The following ADCY7 variants were observed in gnomAD, a reference collection of about 807,000 sequenced individuals.
The protein encoded by ADCY7 is adenylate cyclase 7.
Under a neutral mutation model 120.6 loss-of-function variants are expected in ADCY7, and 72 were observed. The ratio of observed to expected loss-of-function variants is 0.60; its 90% CI spans 0.49 to 0.73. ADCY7 has a LOEUF of 0.73. Ranked by LOEUF, ADCY7 falls within the 30% of genes least tolerant of loss-of-function variation. ADCY7 has a pLI of 0.00. For synonymous variants in ADCY7, 661 were observed against 628.0 expected (o/e 1.05, Z -0.78); for missense variants, 1,227 against 1,486.0 (o/e 0.83, Z 2.87).
In ADCY7 at chr16:50,297,401, G is replaced by A. The variant is rs1196999724; in HGVS notation, c.949-1503G>A. ...CCTACATCCCCGAGAGCTGGGCTGG[G>A]TCCATGGGCAGTCCTGTGCCTGGTC... is the stretch of plus-strand genomic sequence containing the variant. On this transcript the variant is annotated intron_variant, in intron 7 of 25. Coordinates refer to ENST00000673801, the MANE Select transcript of ADCY7 (RefSeq NM_001114.5). The surrounding 1 kb of genome is among the most constrained non-coding windows in gnomAD (Gnocchi z 4.4). Among the ~76,000 whole-genome samples, 2 of 152,212 alleles carry A rather than the reference G, an allele frequency of 1.3e-5. No homozygotes were observed. The highest frequency in any genetic ancestry group is 2.9e-5 in the Non-Finnish European group (2 of 68,038).
In ADCY7 at chr16:50,312,979, C is replaced by G. The variant is rs2036569854; in HGVS notation, c.2694C>G (p.Asn898Lys). Residue 898 changes from asparagine (N) to lysine (K), a missense_variant, in exon 22 of 26, where the codon AAC becomes AAG. Coordinates refer to ENST00000673801, the MANE Select transcript of ADCY7 (RefSeq NM_001114.5). ...FKVFYTECDVNKEGLECLRLL... is the reference protein window; with the variant it reads ...FKVFYTECDVKKEGLECLRLL... ...TGTTCTACACAGAGTGCGATGTCAA[C>G]AAAGAAGGGCTGGAGTGCCTACGCC... 2 of 1,614,230 alleles carry G rather than the reference C, an allele frequency of 1.2e-6. No individual in the cohort carries two copies. The highest frequency in any genetic ancestry group is 4.5e-5 in the East Asian group (2 of 44,890).
Position 50,287,079 on chromosome 16 carries a change from G to A in ADCY7, c.-268-833G>A, listed in dbSNP as rs77244427. 7.3e-5 allele frequency among the ~76,000 whole-genome samples: 11 copies of A among 151,196 alleles called. No individual in the cohort carries two copies. The East Asian group carries it at 1.6e-3, about 22-fold the overall frequency. ...TTGCCCAGGCTGGATGCAATGGCAC[G>A]ATCTCAGCTTACTGCAAAATTTGCC... On this transcript the variant is annotated intron_variant, in intron 1 of 25. Transcript: ENST00000673801.
Position 50,301,212 on chromosome 16 carries a change from C to G in ADCY7, c.1366C>G (p.Arg456Gly). 6.3e-7 allele frequency: 1 copy of G among 1,588,266 alleles called. No individual in the cohort carries two copies. The highest frequency in any genetic ancestry group is 8.6e-7 in the Non-Finnish European group (1 of 1,167,666). ...NIRTYLVIDP[R>G]SQQPPPPSQH... ...CCGCACCTACCTGGTCATCGACCCCCGGGTACGAGGGCTCAGAGGCCGCAG... is the reference window on the plus strand; with the variant it reads ...CCGCACCTACCTGGTCATCGACCCCGGGGTACGAGGGCTCAGAGGCCGCAG... The change falls in exon 10 of 26, where the codon CGG becomes GGG. Residue 456 changes from arginine (R) to glycine (G), a missense_variant and splice_region_variant. Physicochemically the swap from Arg to Gly is moderately radical, Grantham distance 125. Coordinates refer to ENST00000673801, the MANE Select transcript of ADCY7 (RefSeq NM_001114.5).
In ADCY7 at chr16:50,315,529, G is replaced by A. The variant is rs749618985; in HGVS notation, c.*24G>A. ...GAGGGCTCCTGCTGGATTCCGAAAA[G>A]GCCGGGAAGCCAGTCTCCTTCCCTG... On this transcript the variant is annotated 3_prime_UTR_variant, in exon 26 of 26. Transcript: ENST00000673801. 2 of 1,596,304 alleles carry A rather than the reference G, an allele frequency of 1.3e-6. No individual in the cohort carries two copies.
chr16:50,280,836 C>G (rs960453555), intron 1 of ADCY7, among the ~76,000 whole-genome samples: 1 of 152,194 alleles, frequency 6.6e-6, no homozygotes, highest in African/African-American at 2.4e-5. Flanking sequence ...AGGCACAGGT[C>G]AGGCAAGAGA....
chr16:50,301,300 C>T, intron 10 of ADCY7, 86 bp downstream of exon 10: 1 of 1,469,266 alleles, frequency 6.8e-7, no homozygotes, highest in Non-Finnish European at 9.1e-7. Flanking sequence ...TTGGAGGAAA[C>T]CCCCATGTGG....
chr16:50,259,379 A>G (rs1427472295), intron 1 of ADCY7, among the ~76,000 whole-genome samples: 1 of 152,222 alleles, frequency 6.6e-6, no homozygotes, highest in Non-Finnish European at 1.5e-5. Flanking sequence ...GGCCGGGTGC[A>G]GGGAAGGACA....
chr16:50,272,255 C>A (rs1031961257), intron 1 of ADCY7, among the ~76,000 whole-genome samples: 1 of 152,014 alleles, frequency 6.6e-6, no homozygotes, highest in African/African-American at 2.4e-5. Flanking sequence ...CCTTCTAGGG[C>A]CCGGATCCCT....
At chr16:50,305,110 G>A (rs575716346) in intron 12 of ADCY7, 151 bp downstream of exon 12, 2 of 1,007,450 alleles carry the variant, frequency 2.0e-6, no homozygotes, top group Admixed American at 4.1e-5. Context: ...GCATTTCTAG[G>A]AACCAGAGTT....
rs2036764340 is a variant in ADCY7, at chr16:50,315,564, CAGG to C, written c.*62_*64del. The C allele has an allele frequency of 3.2e-6, 5 of 1,581,716 alleles. No individual in the cohort carries two copies. The highest frequency in any genetic ancestry group is 1.7e-5 in the Admixed American group (1 of 58,968). ...CCAGTCTCCTTCCCTGAAGCAAGCC[CAGG>C]AGAAGACTCTCCGCCCCACGCCAAT... On this transcript the variant is annotated 3_prime_UTR_variant, in exon 26 of 26. Transcript: ENST00000673801.
chr16:50,303,974 T>C (rs1329273071), intron 10 of ADCY7, among the ~76,000 whole-genome samples: 1 of 152,032 alleles, frequency 6.6e-6, no homozygotes, highest in Non-Finnish European at 1.5e-5. Context: ...CCCCAGGGAC[T>C]CTCTGGTTCC....
Position 50,304,341 on chromosome 16 carries a change from T to TG in ADCY7, c.1369-18dup. 6.8e-7 allele frequency: 1 copy of TG among 1,472,338 alleles called. No homozygotes were observed. The highest frequency in any genetic ancestry group is 9.0e-7 in the Non-Finnish European group (1 of 1,108,206). 91.2% of individuals were successfully genotyped at this position (1,472,338 alleles called of 1,614,324 possible). A position where few individuals can be genotyped will look rare whatever the true frequency, so the allele number is the denominator to read the frequency against. On this transcript the variant is annotated intron_variant, in intron 10 of 25. Transcript: ENST00000673801. The stretch of plus-strand genomic sequence containing the variant: ...GAGGGGAGGAGGTGGCACAGGCCCA[T>TG]GTCCATGTCTGCCCGCAGAGCCAGC...
intron 1 of ADCY7, among the ~76,000 whole-genome samples, chr16:50,283,236 G>T (rs1372803920): frequency 2.6e-5 from 4 of 152,212 alleles, no homozygotes; most frequent in African/African-American, 4.8e-5. Context: ...AAGGGGCATT[G>T]CTTGTCCCAT....
chr16:50,280,024 G>A (rs1233382556), intron 1 of ADCY7, among the ~76,000 whole-genome samples: 1 of 152,110 alleles, frequency 6.6e-6, no homozygotes, highest in Non-Finnish European at 1.5e-5. Context: ...AATGGTACTA[G>A]CTCTTCTTCG....
At chr16:50,308,134 A>C (rs1158306555) in intron 15 of ADCY7, among the ~76,000 whole-genome samples, 193 bp from the exon 16 acceptor site, 1 of 152,146 alleles carries the variant, frequency 6.6e-6, no homozygotes, top group South Asian at 2.1e-4. Context: ...TCTTGACCTC[A>C]ATCTTCATAA....
At chr16:50,273,374 G>A (rs542651494) in intron 1 of ADCY7, among the ~76,000 whole-genome samples, 1 of 152,298 alleles carries the variant, frequency 6.6e-6, no homozygotes, top group Non-Finnish European at 1.5e-5. Context: ...CTTCTGCCCT[G>A]CCCTGGCATT....
chr16:50,277,344 G>A (rs1434148565), intron 1 of ADCY7, among the ~76,000 whole-genome samples: 1 of 152,186 alleles, frequency 6.6e-6, no homozygotes, highest in Non-Finnish European at 1.5e-5. Context: ...AGGTCAAAAA[G>A]CAAATATGTC....
chr16:50,307,238 C>T, intron 15 of ADCY7, 91 bp downstream of exon 15: 1 of 1,316,414 alleles, frequency 7.6e-7, no homozygotes. Flanking sequence ...GTGATTTGGG[C>T]TGGAAGGGGT....
At chr16:50,250,493 A>T (rs1416911602) in intron 1 of ADCY7, among the ~76,000 whole-genome samples, 3 of 150,332 alleles carry the variant, frequency 2.0e-5, no homozygotes, top group Admixed American at 2.0e-4. Context: ...AAAATGCAGT[A>T]TGTGGCCAGG....
Sources: gnomAD v4.1 joint callset for allele counts (sites outside exome capture counted in the v4.1 genomes callset) on GRCh38, gnomAD v4.1.1 for gene constraint, Gnocchi (gnomAD v3.1) non-coding constraint, MANE v1.5 for transcripts, NCBI Gene and HGNC (gene_info 2026-07-23, HGNC 2026-07-21) for gene names.